The following JAKMIP1 variants were observed in gnomAD, a reference collection of about 807,000 sequenced individuals.
JAKMIP1 encodes the protein janus kinase and microtubule-interacting protein 1.
JAKMIP1 carries 33 observed loss-of-function variants against 113.0 expected under a neutral mutation model. The ratio of observed to expected loss-of-function variants is 0.29; its 90% confidence interval spans 0.22 to 0.39. The LOEUF is 0.39. Ranked by LOEUF, JAKMIP1 falls within the 10% of genes least tolerant of loss-of-function variation. The pLI, the probability that JAKMIP1 is intolerant of heterozygous loss-of-function variation, is 1.00. For missense variants in JAKMIP1, 813 were observed against 1,080.5 expected, an observed-to-expected ratio of 0.75 and a Z score of 3.47; for synonymous variants, 480 against 459.9, an observed-to-expected ratio of 1.04 and a Z score of -0.56.
chr4:6,187,712 T>A lies in JAKMIP1; in HGVS notation c.-148+12541A>T, dbSNP rs1726800457. ...GTGAGAAATAAATTTCTATTGTTTATAAGCTATCCAGTCTAAGGTGTTTTG... is the reference window on the plus strand; with the variant it reads ...GTGAGAAATAAATTTCTATTGTTTAAAAGCTATCCAGTCTAAGGTGTTTTG... On this transcript the variant is annotated intron_variant, in intron 1 of 20. Coordinates refer to ENST00000409021, the MANE Select transcript of JAKMIP1 (RefSeq NM_001099433.2). This position sits in a 1 kb window ranked among gnomAD's most constrained non-coding sequence, Gnocchi z 4.2. 6.6e-6 allele frequency among the ~76,000 whole-genome samples: 1 copy of A among 152,256 alleles called. No homozygotes were observed. Among genetic ancestry groups the A allele is most frequent in the Non-Finnish European group, 1.5e-5 (1 of 68,042 alleles).
chr4:6,115,841 G>C (rs932469020), intron 1 of JAKMIP1, among the ~76,000 whole-genome samples: 1 of 152,192 alleles, frequency 6.6e-6, no homozygotes, highest in African/African-American at 2.4e-5. Flanking sequence ...GGCAGGATGG[G>C]GCGGCTGCAG....
rs1202492990 is a variant in JAKMIP1 at position 6,193,470 on chromosome 4, G to T, written c.-148+6783C>A. ...AGACGTGAGGGATGAAAAGAAGCCA[G>T]TCTGGGCCAGGGTAGGGATGAACAT... On this transcript the variant is annotated intron_variant, in intron 1 of 20. Coordinates refer to ENST00000409021, the MANE Select transcript of JAKMIP1 (RefSeq NM_001099433.2). This position sits in a 1 kb window ranked among gnomAD's most constrained non-coding sequence, Gnocchi z 6.4. Among the ~76,000 whole-genome samples the T allele has an allele frequency of 1.3e-5, 2 of 152,234 alleles. No individual in the cohort carries two copies. The highest frequency in any genetic ancestry group is 4.8e-5 in the African/African-American group (2 of 41,460).
In JAKMIP1 at chr4:6,089,543, A is replaced by G. The variant is rs151106782; in HGVS notation, c.625-3914T>C. 6.6e-6 allele frequency among the ~76,000 whole-genome samples: 1 copy of G among 152,230 alleles called. No individual in the cohort carries two copies. The highest frequency in any genetic ancestry group is 1.5e-5 in the Non-Finnish European group (1 of 68,044). ...AGGGGAATGTGCTAACACTCTAGTT[A>G]GCAGCAGAACCATGACTCAAGTGCA... On this transcript the variant is annotated intron_variant, in intron 3 of 20. Transcript: ENST00000409021. The surrounding 1 kb of genome is among the most constrained non-coding windows in gnomAD (Gnocchi z 5.3).
At chr4:6,029,991 C>T (rs576798241) in intron 19 of JAKMIP1, among the ~76,000 whole-genome samples, 2 of 152,266 alleles carry the variant, frequency 1.3e-5, no homozygotes, top group African/African-American at 4.8e-5. Flanking sequence ...CTTGGTCCCC[C>T]GGCTCAATTC....
At chr4:6,038,973 CA>C (rs1178025164) in intron 18 of JAKMIP1, among the ~76,000 whole-genome samples, 2 of 152,256 alleles carry the variant, frequency 1.3e-5, no homozygotes, top group African/African-American at 4.8e-5. Context: ...CCAGCATGGA[CA>C]CATGGCCCTG....
chr4:6,133,007 C>A (rs1263141546), intron 1 of JAKMIP1, among the ~76,000 whole-genome samples: 1 of 151,836 alleles, frequency 6.6e-6, no homozygotes. Flanking sequence ...TAAACTACAA[C>A]CAAAAAAGCA....
intron 1 of JAKMIP1, among the ~76,000 whole-genome samples, chr4:6,120,640 C>T (rs1340898287): frequency 6.6e-6 from 1 of 152,164 alleles, no homozygotes; most frequent in African/African-American, 2.4e-5. Flanking sequence ...TTTTCAGTTT[C>T]GTTTAAAATC....
Position 6,171,675 on chromosome 4 carries a change from T to G in JAKMIP1, c.-148+28578A>C, listed in dbSNP as rs150143231. Among the ~76,000 whole-genome samples the G allele has an allele frequency of 4.5e-3, 679 of 152,294 alleles. 5 individuals are homozygous for G. Among genetic ancestry groups the G allele is most frequent in the African/African-American group, 0.016 (656 of 41,558 alleles). The stretch of plus-strand genomic sequence containing the variant: ...GGTGTGGGAAGACAGAGTCTTCACA[T>G]GTCTTGAAGGTTGGCGGTTCACCCT... On this transcript the variant is annotated intron_variant, in intron 1 of 20. Coordinates refer to ENST00000409021, the MANE Select transcript of JAKMIP1 (RefSeq NM_001099433.2).
Position 6,139,373 on chromosome 4 carries a change from C to T in JAKMIP1, c.-147-26376G>A, listed in dbSNP as rs1423118406. ...CTGAGGTCCTAACCCCCAGTACCCT[C>T]AGAGGTGGTCTTATGGGAAACAGGG... On this transcript the variant is annotated intron_variant, in intron 1 of 20. Transcript: ENST00000409021. The surrounding 1 kb of genome is among the most constrained non-coding windows in gnomAD (Gnocchi z 5.2). Among the ~76,000 whole-genome samples, 1 of 152,196 alleles carries T rather than the reference C, an allele frequency of 6.6e-6. No individual in the cohort carries two copies. Among genetic ancestry groups the T allele is most frequent in the Non-Finnish European group, 1.5e-5 (1 of 68,042 alleles).
rs1312332216 is a variant in JAKMIP1 at position 6,150,773 on chromosome 4, A to G, written c.-147-37776T>C. On this transcript the variant is annotated intron_variant, in intron 1 of 20. Coordinates refer to ENST00000409021, the MANE Select transcript of JAKMIP1 (RefSeq NM_001099433.2). The surrounding 1 kb of genome is among the most constrained non-coding windows in gnomAD (Gnocchi z 4.8). ...GCCTCTAAAATCAGCTTCCTAGACC[A>G]TGGCGGGAAGAAGAAAACAGGCAAG... Among the ~76,000 whole-genome samples the G allele has an allele frequency of 6.6e-6, 1 of 152,160 alleles. No homozygotes were observed. Among genetic ancestry groups the G allele is most frequent in the Non-Finnish European group, 1.5e-5 (1 of 68,024 alleles).
At chr4:6,152,087 A>G (rs1233075535) in intron 1 of JAKMIP1, among the ~76,000 whole-genome samples, 2 of 151,642 alleles carry the variant, frequency 1.3e-5, no homozygotes, top group African/African-American at 4.8e-5. Context: ...GGAAGAAGAA[A>G]GAGACAGGGG....
At chr4:6,026,345 A>G (rs1237014155) in intron 20 of JAKMIP1, 67 bp from the exon 21 acceptor site, 1 of 816,906 alleles carries the variant, frequency 1.2e-6, no homozygotes, top group Non-Finnish European at 2.0e-6. Context: ...GATGTAAGAT[A>G]TGTAGTATGG....
chr4:6,172,321 T>G (rs1235762111), intron 1 of JAKMIP1, among the ~76,000 whole-genome samples: 1 of 152,108 alleles, frequency 6.6e-6, no homozygotes, highest in Non-Finnish European at 1.5e-5. Context: ...CCCCTGGCAC[T>G]CACCAGACGA....
rs147511396 is a variant in JAKMIP1 at position 6,180,258 on chromosome 4, C to A, written c.-148+19995G>T. 6.6e-6 allele frequency among the ~76,000 whole-genome samples: 1 copy of A among 152,114 alleles called. No homozygotes were observed. Among genetic ancestry groups the A allele is most frequent in the Non-Finnish European group, 1.5e-5 (1 of 68,014 alleles). On this transcript the variant is annotated intron_variant, in intron 1 of 20. Transcript: ENST00000409021. This position sits in a 1 kb window ranked among gnomAD's most constrained non-coding sequence, Gnocchi z 4.5. ...AATAATTTCTGATAAAATTGCTACTCGTAACATTCAGAACCCACAAAAAAT... is the reference window on the plus strand; with the variant it reads ...AATAATTTCTGATAAAATTGCTACTAGTAACATTCAGAACCCACAAAAAAT...
chr4:6,199,897 G>T lies in JAKMIP1; in HGVS notation c.-148+356C>A, dbSNP rs1728262020. Among the ~76,000 whole-genome samples the T allele has an allele frequency of 6.6e-6, 1 of 151,494 alleles. No homozygotes were observed. The highest frequency in any genetic ancestry group is 6.5e-5 in the Admixed American group (1 of 15,268). ...GTCCCCCTCCCGCTCCTTGGCTTGA[G>T]GGCGGAATCCGGAGAAGAGTGGAAA... On this transcript the variant is annotated intron_variant, in intron 1 of 20. Transcript: ENST00000409021. This position sits in a 1 kb window ranked among gnomAD's most constrained non-coding sequence, Gnocchi z 5.6.
At chr4:6,029,919 T>C in intron 19 of JAKMIP1, 138 bp from the exon 20 acceptor site, 1 of 658,840 alleles carries the variant, frequency 1.5e-6, no homozygotes, top group Non-Finnish European at 2.7e-6. Flanking sequence ...CTCTGATACA[T>C]GCACAAGCCC....
At chr4:6,052,156 G>A (rs1311660079) in intron 13 of JAKMIP1, among the ~76,000 whole-genome samples, 3 of 151,748 alleles carry the variant, frequency 2.0e-5, no homozygotes, top group Non-Finnish European at 2.9e-5. Flanking sequence ...GACTAACCTA[G>A]GTTTGAAACA....
At position 6,193,329 on chromosome 4, in the gene JAKMIP1, C is replaced by G. The variant is rs999687333; in HGVS notation, c.-148+6924G>C. Among the ~76,000 whole-genome samples, 13 of 152,178 alleles carry G rather than the reference C, an allele frequency of 8.5e-5. No homozygotes were observed. The highest frequency in any genetic ancestry group is 4.6e-4 in the Admixed American group (7 of 15,282). ...GTTTCTTTGCTCCTCAACTTGCAGACAGCCCATCGTGAGACTTTACCTTGT... is the reference window on the plus strand; with the variant it reads ...GTTTCTTTGCTCCTCAACTTGCAGAGAGCCCATCGTGAGACTTTACCTTGT... On this transcript the variant is annotated intron_variant, in intron 1 of 20. Coordinates refer to ENST00000409021, the MANE Select transcript of JAKMIP1 (RefSeq NM_001099433.2). This position sits in a 1 kb window ranked among gnomAD's most constrained non-coding sequence, Gnocchi z 6.4.
Position 6,061,442 on chromosome 4 carries a change from AT to A in JAKMIP1, c.1560+869del, listed in dbSNP as rs1466142332. On this transcript the variant is annotated intron_variant, in intron 10 of 20. Transcript: ENST00000409021. This position sits in a 1 kb window ranked among gnomAD's most constrained non-coding sequence, Gnocchi z 5.3. Reference sequence around the variant, plus strand: ...CTCTCCTCTCTGCCTTTGCCATCAGATTTGCCAGGCAATGCCCCATTCTGGC... The same window carrying A: ...CTCTCCTCTCTGCCTTTGCCATCAGATTGCCAGGCAATGCCCCATTCTGGC... Among the ~76,000 whole-genome samples, 1 of 152,036 alleles carries A rather than the reference AT, an allele frequency of 6.6e-6. No homozygotes were observed. Among genetic ancestry groups the A allele is most frequent in the African/African-American group, 2.4e-5 (1 of 41,380 alleles).
Sources: allele counts gnomAD v4.1 joint callset (sites outside exome capture counted in the v4.1 genomes callset), GRCh38; gene constraint gnomAD v4.1.1; non-coding constraint Gnocchi (gnomAD v3.1); transcripts MANE v1.5; gene names NCBI Gene and HGNC (gene_info 2026-07-23, HGNC 2026-07-21).